The following FGGY variants were observed in gnomAD, a reference collection of about 807,000 sequenced individuals.
The protein encoded by FGGY is FGGY carbohydrate kinase domain-containing protein.
FGGY carries 72 observed loss-of-function variants against 71.3 expected under a neutral mutation model. The observed-to-expected ratio is 1.01, with a 90% confidence interval of 0.84 to 1.23. The LOEUF is 1.23. Among genes scored for constraint, FGGY ranks in the 50% most tolerant of loss-of-function variants. The pLI, the probability that FGGY is intolerant of heterozygous loss-of-function variation, is 0.00. For missense variants in FGGY, 668 were observed against 682.3 expected, an observed-to-expected ratio of 0.98 and a Z score of 0.23; for synonymous variants, 251 against 250.3, an observed-to-expected ratio of 1.00 and a Z score of -0.02.
chr1:59,332,946 A>C (rs1446763539), intron 2 of FGGY, among the ~76,000 whole-genome samples: 1 of 152,166 alleles, frequency 6.6e-6, no homozygotes, highest in African/African-American at 2.4e-5. Context: ...CCTATTTTCT[A>C]TAAAGGTTTA....
intron 9 of FGGY, among the ~76,000 whole-genome samples, chr1:59,612,020 T>G (rs375482488): frequency 6.6e-5 from 10 of 152,286 alleles, no homozygotes; most frequent in East Asian, 1.9e-4. Flanking sequence ...AATCTACGTC[T>G]GATTAGTGTA....
chr1:59,511,173 G>T (rs372185091), intron 6 of FGGY, among the ~76,000 whole-genome samples: 1 of 152,054 alleles, frequency 6.6e-6, no homozygotes, highest in East Asian at 1.9e-4. Flanking sequence ...AAATGGTGTC[G>T]TCAAAGTGCT....
chr1:59,488,091 C>T (rs1315664817), intron 6 of FGGY, among the ~76,000 whole-genome samples: 1 of 152,048 alleles, frequency 6.6e-6, no homozygotes, highest in East Asian at 1.9e-4. Flanking sequence ...TTTAAGGTGA[C>T]ATTATTGCAT....
At chr1:59,753,515 G>GATATATATATATATAT (rs2098265025) in intron 14 of FGGY, among the ~76,000 whole-genome samples, 1 of 49,076 alleles carries the variant, frequency 2.0e-5, no homozygotes, top group South Asian at 6.3e-4. Context: ...TATATATATG[G>GATATATATATATATAT]CATTACATGT....
At position 59,687,491 on chromosome 1, in the gene FGGY, C is replaced by G. The variant is rs1269211091; in HGVS notation, c.1512+13358C>G. 2.6e-5 allele frequency among the ~76,000 whole-genome samples: 4 copies of G among 151,406 alleles called. No homozygotes were observed. In the Middle Eastern group the frequency reaches 0.014, roughly 515 times the overall value. On this transcript the variant is annotated intron_variant, in intron 14 of 15. Transcript: ENST00000303721. The stretch of plus-strand genomic sequence containing the variant: ...TAATTTCTTTTTTTTTTTTGAGACA[C>G]AGTCTCACTCTGTCGCCCAGGCTGG...
intron 14 of FGGY, among the ~76,000 whole-genome samples, chr1:59,738,673 A>G (rs2098124233): frequency 6.6e-6 from 1 of 152,268 alleles, no homozygotes; most frequent in Non-Finnish European, 1.5e-5. Flanking sequence ...AAATCAAAGT[A>G]CTAGGACCAG....
chr1:59,305,277 A>G (rs1477096408), intron 1 of FGGY, among the ~76,000 whole-genome samples: 3 of 152,110 alleles, frequency 2.0e-5, no homozygotes, highest in Non-Finnish European at 2.9e-5. Flanking sequence ...AGTATGTTGA[A>G]TTTTGTCAAA....
intron 8 of FGGY, among the ~76,000 whole-genome samples, chr1:59,589,354 C>A (rs2153785438): frequency 6.6e-6 from 1 of 152,226 alleles, no homozygotes; most frequent in South Asian, 2.1e-4. Flanking sequence ...TTTAACACCC[C>A]ACTGTCAACA....
chr1:59,690,507 C>G (rs1451898515), intron 14 of FGGY, among the ~76,000 whole-genome samples: 1 of 152,196 alleles, frequency 6.6e-6, no homozygotes, highest in Non-Finnish European at 1.5e-5. Context: ...GGAAACTCAT[C>G]TTGGTGAGGC....
intron 11 of FGGY, among the ~76,000 whole-genome samples, chr1:59,649,954 G>T (rs967794739): frequency 6.8e-6 from 1 of 146,440 alleles, no homozygotes; most frequent in Non-Finnish European, 1.5e-5. Context: ...AGAGTTTTTA[G>T]CATGAAGGGT....
chr1:59,687,315 A>G (rs2097551370), intron 14 of FGGY, among the ~76,000 whole-genome samples: 1 of 152,018 alleles, frequency 6.6e-6, no homozygotes, highest in Admixed American at 6.6e-5. Flanking sequence ...TCCGTTCTAT[A>G]CTGACATTCC....
intron 7 of FGGY, among the ~76,000 whole-genome samples, chr1:59,530,808 G>T (rs1047086040): frequency 6.6e-6 from 1 of 152,198 alleles, no homozygotes; most frequent in Non-Finnish European, 1.5e-5. Flanking sequence ...AGAGATATAT[G>T]TGGGGACAAA....
At chr1:59,301,490 G>A (rs1357514716) in intron 1 of FGGY, among the ~76,000 whole-genome samples, 3 of 152,118 alleles carry the variant, frequency 2.0e-5, no homozygotes, top group Non-Finnish European at 4.4e-5. Flanking sequence ...GCATAGAACT[G>A]ATGAGAGCTG....
At chr1:59,459,473 C>G (rs1330420244) in intron 6 of FGGY, among the ~76,000 whole-genome samples, 1 of 152,118 alleles carries the variant, frequency 6.6e-6, no homozygotes, top group African/African-American at 2.4e-5. Flanking sequence ...AATTTCTTTA[C>G]AGTTGAAACT....
intron 5 of FGGY, among the ~76,000 whole-genome samples, chr1:59,394,800 A>T (rs1487795534): frequency 1.3e-5 from 2 of 152,130 alleles, no homozygotes; most frequent in African/African-American, 4.8e-5. Flanking sequence ...AATGCACATT[A>T]TTCAGAAAAT....
intron 7 of FGGY, among the ~76,000 whole-genome samples, chr1:59,542,229 C>T (rs984888876): frequency 1.3e-5 from 2 of 152,114 alleles, no homozygotes; most frequent in Admixed American, 1.3e-4. Flanking sequence ...GTCGTTGGCT[C>T]CTCAGGAGAT....
At chr1:59,701,139 G>A (rs1055774385) in intron 14 of FGGY, among the ~76,000 whole-genome samples, 3 of 152,162 alleles carry the variant, frequency 2.0e-5, no homozygotes, top group Non-Finnish European at 2.9e-5. Context: ...AGGGGGACAC[G>A]TGCAAGAGAA....
chr1:59,644,975 C>CAAAA (rs397940421), intron 11 of FGGY, among the ~76,000 whole-genome samples: 22 of 133,696 alleles, frequency 1.6e-4, no homozygotes, highest in African/African-American at 5.4e-4. Context: ...GGCTCCATCT[C>CAAAA]AAAAAAAAAA....
intron 6 of FGGY, among the ~76,000 whole-genome samples, chr1:59,469,350 C>T (rs1276769288): frequency 2.0e-5 from 3 of 152,176 alleles, no homozygotes; most frequent in African/African-American, 7.2e-5. Flanking sequence ...TAAGGGCCTT[C>T]TTGCTGCATC....
Sources: allele counts gnomAD v4.1 joint callset (sites outside exome capture counted in the v4.1 genomes callset), GRCh38; gene constraint gnomAD v4.1.1; transcripts MANE v1.5; gene names NCBI Gene and HGNC (gene_info 2026-07-23, HGNC 2026-07-21).